NRG3: variants seen among roughly 807,000 people sequenced by gnomAD.
NRG3 encodes pro-neuregulin-3, membrane-bound isoform.
A neutral mutation model predicts 66.9 loss-of-function variants in NRG3; 31 were observed. That is an observed-to-expected ratio of 0.46 (90% CI 0.35 to 0.63). NRG3 has a LOEUF of 0.63. NRG3 is among the 20% of genes least tolerant of loss of function. NRG3 has a pLI of 0.00. For synonymous variants in NRG3, 393 were observed against 359.4 expected, an observed-to-expected ratio of 1.09 and a Z score of -1.06; for missense variants, 910 against 878.9, an observed-to-expected ratio of 1.04 and a Z score of -0.45.
intron 4 of NRG3, among the ~76,000 whole-genome samples, chr10:82,905,115 G>T (rs181001126): frequency 1.3e-4 from 20 of 152,040 alleles, no homozygotes; most frequent in Non-Finnish European, 2.2e-4. Context: ...TTTGGTTGTG[G>T]GTGTCTGTCC....
intron 2 of NRG3, among the ~76,000 whole-genome samples, chr10:82,431,193 G>A (rs754862272): frequency 5.9e-5 from 9 of 151,980 alleles, no homozygotes; most frequent in South Asian, 4.2e-4. Flanking sequence ...TCTGAGTCAG[G>A]GCAAGTAAAT....
intron 2 of NRG3, among the ~76,000 whole-genome samples, chr10:82,379,926 GA>G (rs1347502612): frequency 2.2e-5 from 3 of 133,564 alleles, no homozygotes; most frequent in Non-Finnish European, 3.2e-5. Context: ...AAAAAAAAAA[GA>G]AAAAAAGGAA....
chr10:82,657,852 T>G (rs2051999066), intron 2 of NRG3, among the ~76,000 whole-genome samples: 1 of 150,454 alleles, frequency 6.6e-6, no homozygotes, highest in Admixed American at 6.6e-5. Flanking sequence ...ATAAATACCC[T>G]GATATTTAGA....
chr10:82,663,598 A>G (rs2052535749), intron 2 of NRG3, among the ~76,000 whole-genome samples: 1 of 152,210 alleles, frequency 6.6e-6, no homozygotes, highest in South Asian at 2.1e-4. Context: ...TTTTGAAAAC[A>G]CAGTGTGCCC....
At chr10:82,940,517 C>T (rs186423255) in intron 4 of NRG3, among the ~76,000 whole-genome samples, 1 of 152,230 alleles carries the variant, frequency 6.6e-6, no homozygotes, top group Admixed American at 6.5e-5. Flanking sequence ...TTTTCATGAC[C>T]TCATCTTAAC....
intron 1 of NRG3, among the ~76,000 whole-genome samples, chr10:82,011,956 G>A (rs1049125681): frequency 3.3e-5 from 5 of 152,122 alleles, no homozygotes; most frequent in Non-Finnish European, 5.9e-5. Context: ...CTGGGTTCTG[G>A]AGGATGGTGG....
chr10:82,431,994 G>T (rs947146228), intron 2 of NRG3, among the ~76,000 whole-genome samples: 26 of 152,064 alleles, frequency 1.7e-4, no homozygotes, highest in Admixed American at 1.7e-3. Context: ...GTCTCCTTCA[G>T]ACCAGATATT....
At chr10:82,674,657 G>A (rs1156500170) in intron 2 of NRG3, among the ~76,000 whole-genome samples, 1 of 151,932 alleles carries the variant, frequency 6.6e-6, no homozygotes, top group Non-Finnish European at 1.5e-5. Context: ...GATAACATCG[G>A]GAGCATCAGT....
rs949893629 is a variant in NRG3 at position 81,995,904 on chromosome 10, A to G, written c.823+119741A>G. Among the ~76,000 whole-genome samples, 8 of 152,290 alleles carry G rather than the reference A, an allele frequency of 5.3e-5. No individual in the cohort carries two copies. The East Asian group carries it at 1.5e-3, about 29-fold the overall frequency. On this transcript the variant is annotated intron_variant, in intron 1 of 8. Transcript: ENST00000372141. The stretch of plus-strand genomic sequence containing the variant: ...GTTTTTTGTTAAATTGGTCAATGCC[A>G]TGCAACTGTGGTCAGAGGGACTGAA...
At position 81,875,448 on chromosome 10, in the gene NRG3, G is replaced by GGGCCCGGACGGC; in HGVS notation, c.112_123dup (p.Pro38_Gly41dup). On this transcript the variant is annotated inframe_insertion, in exon 1 of 9. Transcript: ENST00000372141. This position sits in a 1 kb window ranked among gnomAD's most constrained non-coding sequence, Gnocchi z 5.3. ...CTGCGGCGGCGGCAGCGGCGGGCGG[G>GGGCCCGGACGGC]GGCCCGGACGGCGGCGGCGAAGGGG... 8.2e-7 allele frequency: 1 copy of GGGCCCGGACGGC among 1,212,144 alleles called. No homozygotes were observed. The highest frequency in any genetic ancestry group is 1.0e-6 in the Non-Finnish European group (1 of 975,738). The allele number at this position is 1,212,144 out of a possible 1,614,324, so 75.1% of individuals were successfully genotyped here. A position where few individuals can be genotyped will look rare whatever the true frequency, so the allele number is the denominator to read the frequency against.
chr10:81,929,989 C>T (rs985962871), intron 1 of NRG3, among the ~76,000 whole-genome samples: 1 of 152,168 alleles, frequency 6.6e-6, no homozygotes, highest in Non-Finnish European at 1.5e-5. Flanking sequence ...GGGAAAGAGA[C>T]TTTCGCACTA....
At chr10:81,886,980 CTAAG>C (rs1842661056) in intron 1 of NRG3, among the ~76,000 whole-genome samples, 1 of 151,976 alleles carries the variant, frequency 6.6e-6, no homozygotes, top group East Asian at 1.9e-4. Context: ...TTTGTATTAT[CTAAG>C]TTTTAGTTAT....
chr10:81,892,257 T>G (rs1447431229), intron 1 of NRG3, among the ~76,000 whole-genome samples: 1 of 152,148 alleles, frequency 6.6e-6, no homozygotes, highest in Non-Finnish European at 1.5e-5. Context: ...ACACACTTTA[T>G]GTAAATATAT....
chr10:81,989,096 G>A lies in NRG3; in HGVS notation c.823+112933G>A, dbSNP rs137918084. 2.6e-5 allele frequency among the ~76,000 whole-genome samples: 4 copies of A among 152,274 alleles called. No individual in the cohort carries two copies. In the East Asian group the frequency reaches 7.7e-4, roughly 29 times the overall value. On this transcript the variant is annotated intron_variant, in intron 1 of 8. Coordinates refer to ENST00000372141, the MANE Select transcript of NRG3 (RefSeq NM_001010848.4). ...TCAAATAGGACATCTGAATATATTA[G>A]ATGGGGTGAGGGAAAATGGACTAAT...
At chr10:82,053,773 C>T (rs2063709806) in intron 1 of NRG3, among the ~76,000 whole-genome samples, 1 of 151,988 alleles carries the variant, frequency 6.6e-6, no homozygotes, top group African/African-American at 2.4e-5. Flanking sequence ...GTATGTAAAG[C>T]CTGGAAGAAG....
At chr10:82,764,424 T>C (rs972963524) in intron 3 of NRG3, among the ~76,000 whole-genome samples, 1 of 150,004 alleles carries the variant, frequency 6.7e-6, no homozygotes. Context: ...GTCGCCTAAG[T>C]GCAGTGGTGC....
intron 2 of NRG3, among the ~76,000 whole-genome samples, chr10:82,530,312 C>T (rs920516217): frequency 6.6e-6 from 1 of 151,790 alleles, no homozygotes; most frequent in Non-Finnish European, 1.5e-5. Flanking sequence ...TAACTGGGTC[C>T]AAAAAGCCTT....
chr10:82,280,130 G>A (rs1363791880), intron 1 of NRG3, among the ~76,000 whole-genome samples: 3 of 152,078 alleles, frequency 2.0e-5, no homozygotes, highest in African/African-American at 7.2e-5. Context: ...GATAGTAGGG[G>A]TCAGACATCT....
chr10:82,550,626 T>C (rs556988590), intron 2 of NRG3, among the ~76,000 whole-genome samples: 12 of 152,284 alleles, frequency 7.9e-5, no homozygotes, highest in African/African-American at 2.6e-4. Context: ...TTTAATGATA[T>C]CTAATTCCTT....
Sources: gnomAD v4.1 joint callset for allele counts (sites outside exome capture counted in the v4.1 genomes callset) on GRCh38, gnomAD v4.1.1 for gene constraint, Gnocchi (gnomAD v3.1) non-coding constraint, MANE v1.5 for transcripts, NCBI Gene and HGNC (gene_info 2026-07-23, HGNC 2026-07-21) for gene names.